Variants in PCDHA1 observed in about 807,000 individuals in gnomAD.
PCDHA1 encodes the protein protocadherin alpha-1.
PCDHA1 carries 42 observed loss-of-function variants against 61.3 expected under a neutral mutation model. That is an observed-to-expected ratio of 0.69 (90% CI 0.54 to 0.89). The LOEUF (loss-of-function observed/expected upper bound fraction) is 0.89, where lower values mean the gene tolerates loss of function less well. Ranked by LOEUF, PCDHA1 falls within the 40% of genes least tolerant of loss-of-function variation. PCDHA1 has a pLI of 0.00. For synonymous variants in PCDHA1, 610 were observed against 553.8 expected (o/e 1.10, Z -1.43); for missense variants, 1,256 against 1,235.3 (o/e 1.02, Z -0.25).
chr5:140,965,976 G>A (rs2095953776), intron 1 of PCDHA1, among the ~76,000 whole-genome samples: 1 of 152,154 alleles, frequency 6.6e-6, no homozygotes, highest in Non-Finnish European at 1.5e-5. Context: ...CCTAGGAGTT[G>A]AGCACTTTCT....
intron 1 of PCDHA1, among the ~76,000 whole-genome samples, chr5:140,917,523 G>A (rs1201312809): frequency 2.0e-5 from 3 of 152,182 alleles, no homozygotes; most frequent in Non-Finnish European, 4.4e-5. Context: ...TTATTCTACG[G>A]TTTGTATAGT....
At chr5:140,796,967 C>A (rs1329629372) in intron 1 of PCDHA1, 5 of 1,613,670 alleles carry the variant, frequency 3.1e-6, no homozygotes, top group Non-Finnish European at 4.2e-6. Flanking sequence ...GTGTTAGTGT[C>A]GTTGGTGGAA....
At chr5:140,997,978 C>T (rs1205743045) in intron 3 of PCDHA1, among the ~76,000 whole-genome samples, 2 of 152,182 alleles carry the variant, frequency 1.3e-5, no homozygotes, top group African/African-American at 2.4e-5. Context: ...TTGGACTGCA[C>T]TTGTTACATA....
chr5:140,928,687 C>G (rs782599747), intron 1 of PCDHA1: 1 of 1,614,142 alleles, frequency 6.2e-7, no homozygotes, highest in Non-Finnish European at 8.5e-7. Flanking sequence ...GCTTTCCTAC[C>G]ACATCTCCCG....
rs1554117674 is a variant in PCDHA1, at chr5:140,787,096, C to T, written c.806C>T (p.Ala269Val). The T allele has an allele frequency of 1.2e-6, 2 of 1,614,136 alleles. No individual in the cohort carries two copies. Among genetic ancestry groups the T allele is most frequent in the Non-Finnish European group, 1.7e-6 (2 of 1,179,952 alleles). The part of the protein sequence containing the change: ...TLVTTLNASD[A>V]DEGVNGEVVF... The stretch of plus-strand genomic sequence containing the variant: ...GTGACCACATTAAATGCCTCTGATG[C>T]TGACGAAGGTGTAAATGGTGAAGTC... Residue 269 changes from alanine to valine, a missense_variant, in exon 1 of 4, where the codon GCT becomes GTT. Transcript: ENST00000504120.
At chr5:140,889,904 TTGTCATAC>T (rs1320793501) in intron 1 of PCDHA1, among the ~76,000 whole-genome samples, 4 of 152,172 alleles carry the variant, frequency 2.6e-5, no homozygotes, top group Non-Finnish European at 5.9e-5. Context: ...TACCTTGAGA[TTGTCATAC>T]TGTAAAGAAG....
intron 1 of PCDHA1, chr5:140,871,341 C>G (rs2053000377): frequency 6.2e-7 from 1 of 1,614,188 alleles, no homozygotes; most frequent in African/African-American, 1.3e-5. Context: ...CGGTGGGGAG[C>G]TGGTCATACT....
At position 140,787,884 on chromosome 5, in the gene PCDHA1, C is replaced by T; in HGVS notation, c.1594C>T (p.Gln532Ter). Residue 532 changes from glutamine to a stop codon, truncating the protein, a stop_gained, in exon 1 of 4, where the codon CAG (glutamine) becomes TAG (stop). Coordinates refer to ENST00000504120, the MANE Select transcript of PCDHA1 (RefSeq NM_018900.4). LOFTEE classifies it high-confidence loss of function. ...PLDHEELELL[Q>*]FQVSARDAGV... The stretch of plus-strand genomic sequence containing the variant: ...GGACCACGAGGAGCTGGAGCTGCTG[C>T]AGTTCCAGGTGAGCGCGCGGGATGC... The T allele has an allele frequency of 6.2e-7, 1 of 1,613,198 alleles. No homozygotes were observed. The highest frequency in any genetic ancestry group is 8.5e-7 in the Non-Finnish European group (1 of 1,179,800).
chr5:140,942,840 T>C (rs75984395), intron 1 of PCDHA1, among the ~76,000 whole-genome samples: 6,117 of 152,206 alleles, frequency 0.04, 136 homozygotes, highest in Non-Finnish European at 0.052. Context: ...CAATAAAAAT[T>C]CCAGTAAGAT....
At chr5:140,795,911 A>G in intron 1 of PCDHA1, 3 of 1,613,960 alleles carry the variant, frequency 1.9e-6, no homozygotes, top group Non-Finnish European at 1.7e-6. Context: ...GCAAAGTCCT[A>G]CGAGATTCAG....
At chr5:140,791,804 C>T (rs1554118713) in intron 1 of PCDHA1, among the ~76,000 whole-genome samples, 1 of 152,064 alleles carries the variant, frequency 6.6e-6, no homozygotes, top group East Asian at 1.9e-4. Context: ...GCTTAGCATC[C>T]ACTCCCCTTG....
chr5:140,838,091 T>A, intron 1 of PCDHA1, among the ~76,000 whole-genome samples: 1 of 139,550 alleles, frequency 7.2e-6, no homozygotes, highest in African/African-American at 2.7e-5. Context: ...TGTGTGTGTG[T>A]GTGTGTGTGT....
Position 140,823,167 on chromosome 5 carries a change from G to A in PCDHA1, c.2394+34483G>A, listed in dbSNP as rs150604968. The A allele has an allele frequency of 3.1e-4, 499 of 1,613,956 alleles. 3 individuals carry two copies. In the African/African-American group the frequency reaches 6.0e-3, roughly 20 times the overall value. ...AGCCCCAGTATACCGTGTTCGTGAA[G>A]GAGAACAACCCGCCAGGCTGCCACA... is the stretch of plus-strand genomic sequence containing the variant. On this transcript the variant is annotated intron_variant, in intron 1 of 3. Coordinates refer to ENST00000504120, the MANE Select transcript of PCDHA1 (RefSeq NM_018900.4).
chr5:140,978,217 A>G (rs1554239114), intron 1 of PCDHA1, among the ~76,000 whole-genome samples: 2 of 152,222 alleles, frequency 1.3e-5, no homozygotes, highest in East Asian at 1.9e-4. Flanking sequence ...TGCAAAATGT[A>G]TCAGGTTTTT....
intron 1 of PCDHA1, chr5:140,796,862 C>T (rs1554120167): frequency 1.2e-6 from 2 of 1,614,078 alleles, no homozygotes; most frequent in South Asian, 2.2e-5. Flanking sequence ...GAGATCAGCA[C>T]GACACGTGCC....
intron 1 of PCDHA1, among the ~76,000 whole-genome samples, chr5:140,826,476 C>A (rs1486348458): frequency 6.6e-6 from 1 of 152,104 alleles, no homozygotes; most frequent in Non-Finnish European, 1.5e-5. Context: ...AGGCATTTTA[C>A]TGTATATCAG....
chr5:140,966,678 C>T, intron 1 of PCDHA1: 5 of 1,313,350 alleles, frequency 3.8e-6, no homozygotes, highest in South Asian at 3.6e-5. Context: ...CAGGGTGGCA[C>T]GAGCGGAGGC....
At chr5:140,869,511 A>C in intron 1 of PCDHA1, 1 of 1,614,194 alleles carries the variant, frequency 6.2e-7, no homozygotes, top group Non-Finnish European at 8.5e-7. Context: ...TCTCGCTCAG[A>C]GAACAAAAGC....
At chr5:140,823,015 C>T (rs2150121299) in intron 1 of PCDHA1, 6 of 1,614,106 alleles carry the variant, frequency 3.7e-6, no homozygotes, top group East Asian at 2.2e-5. Flanking sequence ...CGCCCTGGAC[C>T]GCGAGAGCGT....
Sources: gnomAD v4.1 joint callset for allele counts (sites outside exome capture counted in the v4.1 genomes callset) on GRCh38, gnomAD v4.1.1 for gene constraint, MANE v1.5 for transcripts, NCBI Gene and HGNC (gene_info 2026-07-23, HGNC 2026-07-21) for gene names.